GNAL: variants seen among roughly 807,000 people sequenced by gnomAD.
GNAL encodes guanine nucleotide-binding protein G(olf) subunit alpha.
GNAL carries 18 observed loss-of-function variants against 55.1 expected under a neutral mutation model. The ratio of observed to expected loss-of-function variants is 0.33; its 90% CI spans 0.23 to 0.48. The LOEUF (loss-of-function observed/expected upper bound fraction) is 0.48, where lower values mean the gene tolerates loss of function less well. Ranked by LOEUF, GNAL falls within the 20% of genes least tolerant of loss-of-function variation. The pLI is 0.99. For synonymous variants in GNAL, 253 were observed against 237.0 expected (o/e 1.07, Z -0.62); for missense variants, 412 against 614.1 (o/e 0.67, Z 3.48).
chr18:11,690,615 C>T (rs926442302), intron 1 of GNAL, among the ~76,000 whole-genome samples: 2 of 118,720 alleles, frequency 1.7e-5, no homozygotes, highest in African/African-American at 6.4e-5. Flanking sequence ...CCCCCTCCCC[C>T]CACCCCACAA....
At chr18:11,706,511 C>T (rs537309148) in intron 1 of GNAL, among the ~76,000 whole-genome samples, 7 of 152,104 alleles carry the variant, frequency 4.6e-5, no homozygotes, top group Admixed American at 1.3e-4. Context: ...TTGATCACAT[C>T]GGTTAACTCT....
rs1002109765 is a variant in GNAL, at chr18:11,689,575, C to T, written c.12C>T (p.Cys4=). 7.5e-7 allele frequency: 1 copy of T among 1,326,952 alleles called. No homozygotes were observed. Among genetic ancestry groups the T allele is most frequent in the South Asian group, 2.1e-5 (1 of 48,280 alleles). The allele number at this position is 1,326,952 out of a possible 1,614,324, so 82.2% of individuals were successfully genotyped here. MGL[C]YSLRPLLFGG... is the part of the protein sequence containing the mutation. ...TGTGCCGCGCCCACATGGGTCTGTG[C>T]TACAGTCTGCGGCCGCTGCTTTTCG... Residue 4 remains cysteine, a synonymous_variant, in exon 1 of 12, where the codon TGC becomes TGT. Coordinates refer to ENST00000334049, the MANE Select transcript of GNAL (RefSeq NM_182978.4).
intron 1 of GNAL, among the ~76,000 whole-genome samples, chr18:11,748,812 T>A (rs77378312): frequency 6.6e-6 from 1 of 151,950 alleles, no homozygotes. Context: ...TATGCTTTTT[T>A]CAAAAAAAAG....
At chr18:11,756,639 T>C (rs1410915170) in intron 4 of GNAL, among the ~76,000 whole-genome samples, 1 of 152,122 alleles carries the variant, frequency 6.6e-6, no homozygotes, top group Non-Finnish European at 1.5e-5. Flanking sequence ...TTAATTTTAG[T>C]ATGCACAGAA....
chr18:11,689,306 C>T lies in GNAL; in HGVS notation c.-258C>T. On this transcript the variant is annotated 5_prime_UTR_variant, in exon 1 of 12. Coordinates refer to ENST00000334049, the MANE Select transcript of GNAL (RefSeq NM_182978.4). The stretch of plus-strand genomic sequence containing the variant: ...TGGGCGTTAGCAAGTGATCTCCAGC[C>T]AAGGCGGCCGCCACCCCTTGCACAC... 3.2e-6 allele frequency: 1 copy of T among 309,454 alleles called. No homozygotes were observed. Among genetic ancestry groups the T allele is most frequent in the Middle Eastern group, 8.7e-4 (1 of 1,150 alleles). The allele number at this position is 309,454 out of a possible 1,614,324, so 19.2% of individuals were successfully genotyped here.
At chr18:11,815,027 C>T (rs2034919088) in intron 4 of GNAL, among the ~76,000 whole-genome samples, 1 of 152,002 alleles carries the variant, frequency 6.6e-6, no homozygotes, top group Non-Finnish European at 1.5e-5. Flanking sequence ...TACAGTTAGA[C>T]ATGAAGAATA....
chr18:11,802,216 T>C (rs2034539880), intron 4 of GNAL, among the ~76,000 whole-genome samples: 1 of 152,100 alleles, frequency 6.6e-6, no homozygotes. Flanking sequence ...TGGCCACTTA[T>C]TTTGTTGTTT....
In GNAL at chr18:11,833,496, TCTC is replaced by T. The variant is rs1260579263; in HGVS notation, c.722+8485_722+8487del. ...AGCCCCTGTTACATGTTTCTTTTATTCTCCTCTAGAAACCCTTGCCCTGAGACA... is the reference window on the plus strand; with the variant it reads ...AGCCCCTGTTACATGTTTCTTTTATTCTCTAGAAACCCTTGCCCTGAGACA... On this transcript the variant is annotated intron_variant, in intron 5 of 11. Coordinates refer to ENST00000334049, the MANE Select transcript of GNAL (RefSeq NM_182978.4). The T allele has an allele frequency of 6.6e-5, 10 of 152,340 alleles. No individual in the cohort carries two copies. In the East Asian group the frequency reaches 1.9e-3, roughly 29 times the overall value. 9.4% of individuals were successfully genotyped at this position (152,340 alleles called of 1,614,324 possible).
At chr18:11,819,612 CT>C (rs1033450712) in intron 4 of GNAL, among the ~76,000 whole-genome samples, 22 of 152,030 alleles carry the variant, frequency 1.4e-4, no homozygotes, top group African/African-American at 5.3e-4. Flanking sequence ...AGAAATTTAA[CT>C]TAGTAATTTT....
At chr18:11,816,769 G>A (rs113156208) in intron 4 of GNAL, among the ~76,000 whole-genome samples, 9,518 of 150,916 alleles carry the variant, frequency 0.063, 432 homozygotes, top group African/African-American at 0.13. Context: ...AGCCAAGATC[G>A]TGCCACTGCA....
chr18:11,709,481 C>T (rs1888056896), intron 1 of GNAL, among the ~76,000 whole-genome samples: 1 of 151,954 alleles, frequency 6.6e-6, no homozygotes, highest in African/African-American at 2.4e-5. Flanking sequence ...TCTTTCATTT[C>T]TTATATCACT....
At chr18:11,742,419 G>T (rs1311411104) in intron 1 of GNAL, among the ~76,000 whole-genome samples, 1 of 152,228 alleles carries the variant, frequency 6.6e-6, no homozygotes, top group Non-Finnish European at 1.5e-5. Context: ...CCTCACCACA[G>T]CCCCATGAGG....
At chr18:11,742,754 G>A (rs982170012) in intron 1 of GNAL, among the ~76,000 whole-genome samples, 4 of 152,260 alleles carry the variant, frequency 2.6e-5, no homozygotes, top group Admixed American at 1.3e-4. Context: ...CACCGGCCTC[G>A]GATGCCGCTC....
At chr18:11,785,134 T>C (rs59099814) in intron 4 of GNAL, among the ~76,000 whole-genome samples, 12,979 of 152,212 alleles carry the variant, frequency 0.085, 979 homozygotes, top group African/African-American at 0.2. Flanking sequence ...CACCTGTCTT[T>C]CCCCTACCTC....
chr18:11,841,636 G>A (rs543629519), intron 5 of GNAL, among the ~76,000 whole-genome samples: 80 of 120,846 alleles, frequency 6.6e-4, no homozygotes, highest in African/African-American at 2.3e-3. Flanking sequence ...CAGAGTAAGG[G>A]TCTGTCTCAA....
chr18:11,831,853 T>C (rs2035390389), intron 5 of GNAL, among the ~76,000 whole-genome samples: 5 of 152,162 alleles, frequency 3.3e-5, no homozygotes, highest in Admixed American at 6.5e-5. Flanking sequence ...GGTGCTGTGG[T>C]GAGGCAGGGC....
chr18:11,866,550 C>T (rs1293151262), intron 7 of GNAL, among the ~76,000 whole-genome samples: 1 of 150,532 alleles, frequency 6.6e-6, no homozygotes, highest in Non-Finnish European at 1.5e-5. Flanking sequence ...AGCTGAGAAA[C>T]TCTGAGAGAA....
At chr18:11,847,587 G>T (rs1373292732) in intron 5 of GNAL, among the ~76,000 whole-genome samples, 2 of 151,904 alleles carry the variant, frequency 1.3e-5, no homozygotes, top group Non-Finnish European at 2.9e-5. Context: ...ATAATTAACT[G>T]GTTTGACCCG....
At chr18:11,747,668 C>G (rs1347765963) in intron 1 of GNAL, 7 of 132,818 alleles carry the variant, frequency 5.3e-5, no homozygotes, top group Admixed American at 5.0e-4. Context: ...GGAAAATCAC[C>G]CAGGCCTACT....
Sources: allele counts gnomAD v4.1 joint callset (sites outside exome capture counted in the v4.1 genomes callset), GRCh38; gene constraint gnomAD v4.1.1; transcripts MANE v1.5; gene names NCBI Gene and HGNC (gene_info 2026-07-23, HGNC 2026-07-21).